The following TTN variants were observed in gnomAD, a reference collection of about 807,000 sequenced individuals.
TTN encodes titin, also known as connectin.
Under a neutral mutation model 3,223.0 loss-of-function variants are expected in TTN, and 1,525 were observed. The ratio of observed to expected loss-of-function variants is 0.47; its 90% confidence interval spans 0.45 to 0.49. The LOEUF (loss-of-function observed/expected upper bound fraction) is 0.49. Among genes scored for constraint, TTN ranks in the 20% least tolerant of loss-of-function variants. The pLI is 0.00. For synonymous variants in TTN, 14,094 were observed against 15,161.0 expected (o/e 0.93, Z 5.17); for missense variants, 40,786 against 43,424.0 (o/e 0.94, Z 5.40).
chr2:178,767,615 G>T, intron 40 of TTN, 144 bp downstream of exon 40: 1 of 1,169,054 alleles, frequency 8.6e-7, no homozygotes, highest in South Asian at 1.3e-5. Flanking sequence ...GTCAGCATAA[G>T]AGAGTCTAAG....
rs2056634324 is a variant in TTN, at chr2:178,613,057, G to C, written c.49664C>G (p.Pro16555Arg). The change falls in exon 265 of 363, where the codon CCT becomes CGT. Residue 16555 changes from proline to arginine, a missense_variant. Pro to Arg is a moderately radical substitution (Grantham distance 103, BLOSUM62 -2). Coordinates refer to ENST00000589042, the MANE Select transcript of TTN (RefSeq NM_001267550.2). Reference protein sequence around the residue: ...IKDPIDPPWPPGKPTVKDVGK... With the variant: ...IKDPIDPPWPRGKPTVKDVGK... ...TACATCTTTTACAGTTGGTTTTCCA[G>C]GGGGCCATGGAGGATCTGCAAGCCA... The C allele has an allele frequency of 1.1e-5, 18 of 1,612,590 alleles. No individual in the cohort carries two copies. The highest frequency in any genetic ancestry group is 1.5e-5 in the Non-Finnish European group (18 of 1,179,180).
chr2:178,600,441 ACT>A (rs2053071893), intron 288 of TTN: 1 of 154,720 alleles, frequency 6.5e-6, no homozygotes, highest in Non-Finnish European at 1.4e-5. Flanking sequence ...ATATATATAT[ACT>A]TCATTAAAAT....
intron 145 of TTN, 93 bp from the exon 146 acceptor site, chr2:178,678,010 T>C (rs2068493684): frequency 1.3e-6 from 2 of 1,555,592 alleles, no homozygotes; most frequent in Admixed American, 4.3e-5. Context: ...TATTCTGTGA[T>C]CACAAAGCAT....
chr2:178,678,916 G>T, intron 142 of TTN, 86 bp from the exon 143 acceptor site: 1 of 1,063,776 alleles, frequency 9.4e-7, no homozygotes, highest in Non-Finnish European at 1.4e-6. Flanking sequence ...CTTAACTGAA[G>T]CAGCATAGAT....
chr2:178,732,932 T>G lies in TTN; in HGVS notation c.16244A>C (p.Glu5415Ala). 1.2e-6 allele frequency: 2 copies of G among 1,613,566 alleles called. No homozygotes were observed. The highest frequency in any genetic ancestry group is 8.5e-7 in the Non-Finnish European group (1 of 1,179,732). The change falls in exon 55 of 363, where the codon GAG (glutamate) becomes GCG (alanine). Residue 5415 changes from glutamate (E) to alanine (A), a missense_variant. Coordinates refer to ENST00000589042, the MANE Select transcript of TTN (RefSeq NM_001267550.2). ...IAFVEGTASL[E>A]IIRVDMNDAG... Reference sequence around the variant, plus strand: ...ATCATTCATGTCTACTCTGATGATCTCCAAAGAGGCTGTGCCTTCCACAAA... The same window carrying G: ...ATCATTCATGTCTACTCTGATGATCGCCAAAGAGGCTGTGCCTTCCACAAA...
In TTN at chr2:178,565,028, G is replaced by C. The variant is rs1705169163; in HGVS notation, c.81104C>G (p.Thr27035Ser). ...ATVARTTIKITKLKTGTEYQF... is the reference protein window; with the variant it reads ...ATVARTTIKISKLKTGTEYQF... The stretch of plus-strand genomic sequence containing the variant: ...GTACTCCGTGCCTGTTTTCAGTTTG[G>C]TTATTTTAATTGTTGTTCTTGCAAC... Residue 27035 changes from threonine to serine, a missense_variant, in exon 326 of 363, where the codon ACC (threonine) becomes AGC (serine). Transcript: ENST00000589042. 6.2e-7 allele frequency: 1 copy of C among 1,613,244 alleles called. No individual in the cohort carries two copies. The highest frequency in any genetic ancestry group is 1.7e-5 in the Admixed American group (1 of 59,914).
chr2:178,675,138 A>C (rs927241635), intron 149 of TTN, 25 bp from the exon 150 acceptor site: 2 of 1,482,226 alleles, frequency 1.3e-6, no homozygotes, highest in Non-Finnish European at 1.8e-6. Context: ...ATTATTTTAG[A>C]CACTTAAAAT....
intron 157 of TTN, 97 bp downstream of exon 157, chr2:178,670,121 A>G (rs928608997): frequency 4.1e-6 from 3 of 726,496 alleles, no homozygotes; most frequent in Admixed American, 7.6e-5. Context: ...TGTCATTCAT[A>G]GCCATCTTGT....
In TTN at chr2:178,573,536, G is replaced by A. The variant is rs781043729; in HGVS notation, c.72596C>T (p.Ala24199Val). The A allele has an allele frequency of 4.7e-6, 7 of 1,496,642 alleles. No individual in the cohort carries two copies. Among genetic ancestry groups the A allele is most frequent in the Non-Finnish European group, 6.2e-6 (7 of 1,125,750 alleles). The allele number at this position is 1,496,642 out of a possible 1,614,324, so 92.7% of individuals were successfully genotyped here. A position where few individuals can be genotyped will look rare whatever the true frequency, so the allele number is the denominator to read the frequency against. Residue 24199 changes from alanine (A) to valine (V), a missense_variant, in exon 326 of 363, where the codon GCT becomes GTT. Ala to Val is a moderately conservative substitution (Grantham distance 64, BLOSUM62 0). Coordinates refer to ENST00000589042, the MANE Select transcript of TTN (RefSeq NM_001267550.2). ...CTCTCCCACTCCATATTTATTTACA[G>A]CCATGACACGGAATATGTATTCATT... ...KGNEYIFRVMAVNKYGVGEPL... is the reference protein window; with the variant it reads ...KGNEYIFRVMVVNKYGVGEPL...
chr2:178,753,250 T>A (rs571735888), intron 46 of TTN, 70 bp from the exon 47 acceptor site: 2 of 1,250,882 alleles, frequency 1.6e-6, no homozygotes, highest in Non-Finnish European at 2.3e-6. Flanking sequence ...AATTCATGAC[T>A]TGTATGATTA....
chr2:178,624,341 A>G (rs2058719079), intron 242 of TTN, 124 bp downstream of exon 242: 3 of 1,197,660 alleles, frequency 2.5e-6, no homozygotes, highest in African/African-American at 1.5e-5. Flanking sequence ...GTCAGTGTCA[A>G]TACTAGAAGT....
intron 273 of TTN, 35 bp from the exon 274 acceptor site, chr2:178,608,943 T>C: frequency 6.3e-7 from 1 of 1,588,598 alleles, no homozygotes; most frequent in Non-Finnish European, 8.5e-7. Flanking sequence ...ATCAAAAATT[T>C]GTGTGGGAAG....
Position 178,721,989 on chromosome 2 carries a change from T to A in TTN, c.22674A>T (p.Gly7558=), listed in dbSNP as rs1259258896. The change falls in exon 78 of 363, where the codon GGA becomes GGT. Residue 7558 remains glycine, a synonymous_variant. Transcript: ENST00000589042. ...WSKDNKEIRP[G]GNYTITCVGN... ...CCACACATGTGATTGTATAGTTTCC[T>A]CCAGGACGGATCTCCTTGTTATCTT... 2 of 1,613,616 alleles carry A rather than the reference T, an allele frequency of 1.2e-6. No individual in the cohort carries two copies. The highest frequency in any genetic ancestry group is 1.7e-6 in the Non-Finnish European group (2 of 1,179,616).
At position 178,718,348 on chromosome 2, in the gene TTN, A is replaced by G. The variant is rs376588656; in HGVS notation, c.24758T>C (p.Ile8253Thr). Residue 8253 changes from isoleucine to threonine, a missense_variant, in exon 85 of 363, where the codon ATC (isoleucine) becomes ACC (threonine). Transcript: ENST00000589042. ...CLIENEAGQDICEALVSVLEP... is the reference protein window; with the variant it reads ...CLIENEAGQDTCEALVSVLEP... ...TAAGACAGACACCAGAGCTTCACAG[A>G]TATCTTGACCAGCCTCATTTTCTAT... 6.2e-7 allele frequency: 1 copy of G among 1,613,620 alleles called. No individual in the cohort carries two copies. Among genetic ancestry groups the G allele is most frequent in the East Asian group, 2.2e-5 (1 of 44,864 alleles).
chr2:178,717,564 G>C lies in TTN; in HGVS notation c.25310C>G (p.Pro8437Arg), dbSNP rs1560631696. 6.2e-7 allele frequency: 1 copy of C among 1,612,698 alleles called. No homozygotes were observed. Among genetic ancestry groups the C allele is most frequent in the Non-Finnish European group, 8.5e-7 (1 of 1,179,152 alleles). The change falls in exon 87 of 363, where the codon CCT becomes CGT. Residue 8437 changes from proline to arginine, a missense_variant. Physicochemically the swap from Pro to Arg is moderately radical, Grantham distance 103 (BLOSUM62 -2). Coordinates refer to ENST00000589042, the MANE Select transcript of TTN (RefSeq NM_001267550.2). ...IGQYNCSASNPLGTASSSAKL... is the reference protein window; with the variant it reads ...IGQYNCSASNRLGTASSSAKL... ...GGCACTGGATGAAGCAGTCCCAAGA[G>C]GATTAGAAGCAGAGCAATTATACTG...
At chr2:178,536,790 G>T in intron 356 of TTN, 148 bp downstream of exon 356, 1 of 860,418 alleles carries the variant, frequency 1.2e-6, no homozygotes, top group Non-Finnish European at 1.7e-6. Flanking sequence ...TTTTAGATAT[G>T]CAAACATTCA....
rs763735147 is a variant in TTN at position 178,566,407 on chromosome 2, T to C, written c.79725A>G (p.Thr26575=). Residue 26575 remains threonine, a synonymous_variant, in exon 326 of 363, where the codon ACA becomes ACG. Transcript: ENST00000589042. ...ALNKVGLGEA[T]SVPGTVKPED... ...CTGGTTTCACAGTACCAGGAACTGA[T>C]GTAGCCTCACCTAAACCAACTTTGT... 6.2e-6 allele frequency: 10 copies of C among 1,613,512 alleles called. No homozygotes were observed. Among genetic ancestry groups the C allele is most frequent in the Non-Finnish European group, 8.5e-6 (10 of 1,179,656 alleles).
chr2:178,806,103 T>G (rs1427019493), intron 1 of TTN, among the ~76,000 whole-genome samples: 1 of 152,226 alleles, frequency 6.6e-6, no homozygotes, highest in Non-Finnish European at 1.5e-5. Context: ...TTCCTTACTG[T>G]AACCTTCTAC....
intron 111 of TTN, among the ~76,000 whole-genome samples, chr2:178,700,195 C>G (rs998436213): frequency 6.6e-6 from 1 of 152,126 alleles, no homozygotes; most frequent in South Asian, 2.1e-4. Context: ...CCTCTCTGTT[C>G]TCACAGCTAG....
Sources: gnomAD v4.1 joint callset for allele counts (sites outside exome capture counted in the v4.1 genomes callset) on GRCh38, gnomAD v4.1.1 for gene constraint, MANE v1.5 for transcripts, NCBI Gene and HGNC (gene_info 2026-07-23, HGNC 2026-07-21) for gene names.